CACNA2D3: variants seen among roughly 807,000 people sequenced by gnomAD.
CACNA2D3 encodes the protein calcium voltage-gated channel auxiliary subunit alpha2delta 3, also known as voltage-dependent calcium channel subunit alpha-2/delta-3.
In CACNA2D3, 60 loss-of-function variants were observed where a neutral mutation model predicts 160.6. The ratio of observed to expected loss-of-function variants is 0.37; its 90% CI spans 0.30 to 0.46. The LOEUF is 0.46. CACNA2D3 is among the 20% of genes least tolerant of loss of function. CACNA2D3 has a pLI of 1.00. For missense variants in CACNA2D3, 1,205 were observed against 1,365.0 expected, an observed-to-expected ratio of 0.88 and a Z score of 1.85; for synonymous variants, 558 against 492.9, an observed-to-expected ratio of 1.13 and a Z score of -1.75.
At chr3:54,150,920 G>A (rs987486606) in intron 2 of CACNA2D3, among the ~76,000 whole-genome samples, 1 of 151,936 alleles carries the variant, frequency 6.6e-6, no homozygotes, top group East Asian at 1.9e-4. Context: ...TGAATGGATG[G>A]GTGGGTGGGT....
chr3:54,794,133 A>G (rs1390486563), intron 13 of CACNA2D3, among the ~76,000 whole-genome samples: 1 of 152,098 alleles, frequency 6.6e-6, no homozygotes, highest in East Asian at 1.9e-4. Flanking sequence ...ACATGCATGT[A>G]TCTATATATT....
chr3:54,757,975 C>T (rs557537440), intron 12 of CACNA2D3, among the ~76,000 whole-genome samples: 13 of 152,304 alleles, frequency 8.5e-5, no homozygotes, highest in African/African-American at 3.1e-4. Flanking sequence ...TATCTCTCTT[C>T]ATTTGAGGTA....
At chr3:54,368,223 A>G (rs990763107) in intron 3 of CACNA2D3, among the ~76,000 whole-genome samples, 4 of 152,168 alleles carry the variant, frequency 2.6e-5, no homozygotes, top group African/African-American at 9.7e-5. Flanking sequence ...TAATCTCAGC[A>G]CTTTGGAAGG....
At chr3:54,223,054 C>T (rs1205996068) in intron 2 of CACNA2D3, among the ~76,000 whole-genome samples, 1 of 151,944 alleles carries the variant, frequency 6.6e-6, no homozygotes, top group Non-Finnish European at 1.5e-5. Flanking sequence ...TTACCTTTAC[C>T]ACCTTGTTAA....
chr3:54,477,013 G>A (rs2106888676), intron 4 of CACNA2D3, among the ~76,000 whole-genome samples: 1 of 152,258 alleles, frequency 6.6e-6, no homozygotes, highest in Admixed American at 6.5e-5. Flanking sequence ...ATCAGTGGGT[G>A]GAGAGAGGAG....
chr3:54,653,181 C>T (rs181041366), intron 11 of CACNA2D3, among the ~76,000 whole-genome samples: 186 of 152,284 alleles, frequency 1.2e-3, no homozygotes, highest in Middle Eastern at 0.01. Flanking sequence ...TGGACTTGGG[C>T]TGCATGTACC....
chr3:54,851,523 T>C (rs1699057711), intron 17 of CACNA2D3, among the ~76,000 whole-genome samples: 1 of 152,186 alleles, frequency 6.6e-6, no homozygotes, highest in African/African-American at 2.4e-5. Context: ...CTGCGTGGGT[T>C]CTTCAGGAAA....
At position 54,414,448 on chromosome 3, in the gene CACNA2D3, G is replaced by C. The variant is rs17053977; in HGVS notation, c.381+27674G>C. On this transcript the variant is annotated intron_variant, in intron 4 of 37. Transcript: ENST00000474759. Reference sequence around the variant, plus strand: ...TAATTGATAAGGTTTTGTTTGAACAGTCATTTTATTTTGCAATTTAGAGGG... The same window carrying C: ...TAATTGATAAGGTTTTGTTTGAACACTCATTTTATTTTGCAATTTAGAGGG... Among the ~76,000 whole-genome samples the C allele has an allele frequency of 5.0e-3, 763 of 152,204 alleles. 21 individuals are homozygous for C. In the East Asian group the frequency reaches 0.071, roughly 14 times the overall value.
chr3:54,758,253 A>G (rs1318912930), intron 12 of CACNA2D3, among the ~76,000 whole-genome samples: 1 of 152,158 alleles, frequency 6.6e-6, no homozygotes, highest in Non-Finnish European at 1.5e-5. Flanking sequence ...CCCAGTGTGT[A>G]CCTTTAGATT....
chr3:54,687,323 T>C (rs1161496604), intron 11 of CACNA2D3, among the ~76,000 whole-genome samples: 1 of 149,780 alleles, frequency 6.7e-6, no homozygotes, highest in Non-Finnish European at 1.5e-5. Context: ...TTTTTTTTTT[T>C]TGTACCTTTA....
intron 5 of CACNA2D3, among the ~76,000 whole-genome samples, chr3:54,513,794 C>T (rs2106967922): frequency 6.6e-6 from 1 of 152,234 alleles, no homozygotes; most frequent in Admixed American, 6.5e-5. Flanking sequence ...GATTCTACTG[C>T]CTCAGCCCCC....
chr3:54,977,763 G>T (rs965899808), intron 29 of CACNA2D3, among the ~76,000 whole-genome samples: 1 of 152,176 alleles, frequency 6.6e-6, no homozygotes, highest in African/African-American at 2.4e-5. Flanking sequence ...TCCCAATCCA[G>T]ACCCCAAGAG....
chr3:54,920,665 A>C (rs574819822), intron 27 of CACNA2D3, among the ~76,000 whole-genome samples: 1 of 152,298 alleles, frequency 6.6e-6, no homozygotes. Context: ...GTTGCAAGAC[A>C]AAAAGGTCAG....
chr3:54,717,081 C>T (rs1047123983), intron 11 of CACNA2D3, among the ~76,000 whole-genome samples: 1 of 152,082 alleles, frequency 6.6e-6, no homozygotes, highest in African/African-American at 2.4e-5. Context: ...TGTTATTGCA[C>T]CAGAACCTTA....
chr3:55,011,850 C>A (rs773907009), intron 34 of CACNA2D3, among the ~76,000 whole-genome samples: 1 of 152,126 alleles, frequency 6.6e-6, no homozygotes. Context: ...CTACTAAATG[C>A]GCACTTGGTT....
chr3:54,487,587 G>A (rs1039346271), intron 4 of CACNA2D3, among the ~76,000 whole-genome samples: 1 of 152,176 alleles, frequency 6.6e-6, no homozygotes, highest in African/African-American at 2.4e-5. Flanking sequence ...AGGCCCTGGA[G>A]TTCCAACCAT....
intron 11 of CACNA2D3, among the ~76,000 whole-genome samples, chr3:54,643,461 C>A (rs963967300): frequency 6.6e-6 from 1 of 152,060 alleles, no homozygotes; most frequent in Non-Finnish European, 1.5e-5. Flanking sequence ...AGAGCCATCA[C>A]CTCTGAAGCT....
chr3:54,554,427 G>A (rs551824914), intron 5 of CACNA2D3, among the ~76,000 whole-genome samples: 1 of 152,268 alleles, frequency 6.6e-6, no homozygotes, highest in African/African-American at 2.4e-5. Context: ...ACAGTACCTT[G>A]CCCTGATAAT....
chr3:54,902,704 G>A (rs903148761), intron 27 of CACNA2D3, among the ~76,000 whole-genome samples: 18 of 152,174 alleles, frequency 1.2e-4, no homozygotes, highest in African/African-American at 3.6e-4. Flanking sequence ...TAAGGTCCAC[G>A]CAGTTTGTCA....
Sources: allele counts gnomAD v4.1 joint callset (sites outside exome capture counted in the v4.1 genomes callset), GRCh38; gene constraint gnomAD v4.1.1; transcripts MANE v1.5; gene names NCBI Gene and HGNC (gene_info 2026-07-23, HGNC 2026-07-21).